Variants in AFDN observed in about 807,000 individuals in gnomAD.
The protein encoded by AFDN is afadin, adherens junction formation factor.
A neutral mutation model predicts 216.6 loss-of-function variants in AFDN; 68 were observed. The observed-to-expected ratio is 0.31, with a 90% confidence interval of 0.26 to 0.38. The LOEUF is 0.38. AFDN is among the 10% of genes least tolerant of loss of function. AFDN has a pLI of 1.00. For synonymous variants in AFDN, 868 were observed against 853.7 expected (o/e 1.02, Z -0.29); for missense variants, 2,136 against 2,342.0 (o/e 0.91, Z 1.82).
chr6:167,894,638 A>G (rs1788010684), intron 9 of AFDN, among the ~76,000 whole-genome samples: 1 of 152,146 alleles, frequency 6.6e-6, no homozygotes, highest in African/African-American at 2.4e-5. Context: ...ATGGTTTCCT[A>G]TTATTACTGT....
chr6:167,907,110 A>T, intron 12 of AFDN, 61 bp from the exon 13 acceptor site: 1 of 1,227,738 alleles, frequency 8.1e-7, no homozygotes, highest in Non-Finnish European at 1.2e-6. Context: ...TGCAACGCTG[A>T]GTGTCAAGCT....
intron 2 of AFDN, among the ~76,000 whole-genome samples, chr6:167,867,710 C>T (rs1344401236): frequency 2.0e-5 from 3 of 152,100 alleles, no homozygotes; most frequent in Non-Finnish European, 4.4e-5. Context: ...GGATTACAGG[C>T]GTGAGCCACC....
In AFDN at chr6:167,948,247, G is replaced by A. The variant is rs377474937; in HGVS notation, c.3646-46G>A. Reference sequence around the variant, plus strand: ...AGATCATTGAAAATCAAGTTAGTCTGTATGGTTGTAAAAAGCTCACTTTTT... The same window carrying A: ...AGATCATTGAAAATCAAGTTAGTCTATATGGTTGTAAAAAGCTCACTTTTT... On this transcript the variant is annotated intron_variant, in intron 28 of 33. Transcript: ENST00000683244. The A allele has an allele frequency of 4.0e-4, 597 of 1,509,822 alleles. 7 individuals are homozygous for A. The South Asian group carries it at 7.1e-3, about 18-fold the overall frequency. The allele number at this position is 1,509,822 out of a possible 1,614,324, so 93.5% of individuals were successfully genotyped here. A position where few individuals can be genotyped will look rare whatever the true frequency, so the allele number is the denominator to read the frequency against.
intron 30 of AFDN, among the ~76,000 whole-genome samples, chr6:167,961,749 G>C (rs1797057874): frequency 6.6e-6 from 1 of 152,200 alleles, no homozygotes; most frequent in Admixed American, 6.5e-5. Flanking sequence ...CCAGACAGAA[G>C]AGAGCCGAGA....
At chr6:167,889,444 G>T in intron 7 of AFDN, 118 bp downstream of exon 7, 5 of 719,866 alleles carry the variant, frequency 6.9e-6, no homozygotes, top group Non-Finnish European at 1.2e-5. Flanking sequence ...CCTTGTTGTT[G>T]TTGTTGTTGA....
chr6:167,934,066 G>A (rs1042929460), intron 23 of AFDN, among the ~76,000 whole-genome samples: 1 of 152,198 alleles, frequency 6.6e-6, no homozygotes, highest in African/African-American at 2.4e-5. Flanking sequence ...GCTTTGCGAG[G>A]CTAAGGAGAG....
At chr6:167,859,267 C>T (rs1453089112) in intron 1 of AFDN, among the ~76,000 whole-genome samples, 1 of 152,208 alleles carries the variant, frequency 6.6e-6, no homozygotes, top group Admixed American at 6.5e-5. Context: ...GCTGTTAACA[C>T]CTTAATGTTA....
At chr6:167,883,748 G>A (rs1447736116) in intron 6 of AFDN, among the ~76,000 whole-genome samples, 1 of 152,182 alleles carries the variant, frequency 6.6e-6, no homozygotes, top group African/African-American at 2.4e-5. Context: ...TCTTTTTGCT[G>A]GTGCAGGGGC....
intron 23 of AFDN, among the ~76,000 whole-genome samples, chr6:167,940,120 G>A (rs1235593717): frequency 6.6e-6 from 1 of 152,214 alleles, no homozygotes; most frequent in Non-Finnish European, 1.5e-5. Context: ...GGTAGCAAGT[G>A]GGCCATGAGG....
intron 2 of AFDN, among the ~76,000 whole-genome samples, chr6:167,867,432 C>CTTT (rs766749834): frequency 2.2e-5 from 3 of 137,200 alleles, no homozygotes; most frequent in East Asian, 2.1e-4. Flanking sequence ...TTTTTCTTTT[C>CTTT]TTTTTTTTTT....
intron 31 of AFDN, chr6:167,964,992 G>A (rs1190232889): frequency 9.5e-7 from 1 of 1,050,474 alleles, no homozygotes; most frequent in Non-Finnish European, 1.1e-6. Flanking sequence ...AAAATGTACA[G>A]TATGTGTCAA....
chr6:167,916,442 G>GA (rs770651693), intron 19 of AFDN, among the ~76,000 whole-genome samples: 1 of 152,190 alleles, frequency 6.6e-6, no homozygotes, highest in Non-Finnish European at 1.5e-5. Flanking sequence ...TTTATATTGA[G>GA]ATCAGTAAGA....
At chr6:167,886,847 T>C (rs1786882659) in intron 6 of AFDN, among the ~76,000 whole-genome samples, 1 of 151,922 alleles carries the variant, frequency 6.6e-6, no homozygotes, top group Non-Finnish European at 1.5e-5. Context: ...AAGCCCTGTC[T>C]CTACTAAAAA....
At chr6:167,834,474 TTTTTTC>T (rs1330496934) in intron 1 of AFDN, among the ~76,000 whole-genome samples, 27 of 146,348 alleles carry the variant, frequency 1.8e-4, no homozygotes, top group African/African-American at 4.8e-4. Flanking sequence ...TTTTTTTTTT[TTTTTTC>T]GAAAGGTATA....
At chr6:167,944,985 A>G (rs1450250678) in intron 26 of AFDN, among the ~76,000 whole-genome samples, 1 of 151,924 alleles carries the variant, frequency 6.6e-6, no homozygotes, top group Non-Finnish European at 1.5e-5. Context: ...AAATATATAT[A>G]TATATTTCTT....
chr6:167,865,370 G>T (rs541583461), intron 2 of AFDN, among the ~76,000 whole-genome samples: 13 of 152,228 alleles, frequency 8.5e-5, no homozygotes, highest in African/African-American at 1.4e-4. Context: ...CATGGCTTAT[G>T]CCTGTAATCC....
In AFDN at chr6:167,887,487, G is replaced by A. The variant is rs1028383873; in HGVS notation, c.898-1728G>A. On this transcript the variant is annotated intron_variant, in intron 6 of 33. Transcript: ENST00000683244. ...TTTTTCCTTTTGGAGATGAAGTCTC[G>A]CTCTGTCACCCAGGCTGGAGTGCAA... Among the ~76,000 whole-genome samples the A allele has an allele frequency of 9.1e-5, 13 of 142,408 alleles. No homozygotes were observed. The East Asian group carries it at 2.5e-3, about 27-fold the overall frequency. 93.4% of individuals were successfully genotyped at this position (142,408 alleles called of 152,430 possible).
At chr6:167,850,375 G>T (rs1207261899) in intron 1 of AFDN, among the ~76,000 whole-genome samples, 2 of 152,142 alleles carry the variant, frequency 1.3e-5, no homozygotes, top group Non-Finnish European at 2.9e-5. Flanking sequence ...GTACTTTGAA[G>T]ATATTTTAGG....
chr6:167,891,447 G>C (rs1787591168), intron 8 of AFDN, among the ~76,000 whole-genome samples: 1 of 150,248 alleles, frequency 6.7e-6, no homozygotes, highest in Admixed American at 6.7e-5. Context: ...GTGTGTGTGT[G>C]TGTGGCTGTT....
Sources: allele counts gnomAD v4.1 joint callset (sites outside exome capture counted in the v4.1 genomes callset), GRCh38; gene constraint gnomAD v4.1.1; transcripts MANE v1.5; gene names NCBI Gene and HGNC (gene_info 2026-07-23, HGNC 2026-07-21).